Variants in TAOK1 observed in about 807,000 individuals in gnomAD.
TAOK1 encodes the protein serine/threonine-protein kinase TAO1.
TAOK1 carries 21 observed loss-of-function variants against 138.3 expected under a neutral mutation model. The observed-to-expected ratio is 0.15, with a 90% confidence interval of 0.11 to 0.22. The LOEUF is 0.22. Ranked by LOEUF, TAOK1 falls within the 10% of genes least tolerant of loss-of-function variation. The pLI, the probability that TAOK1 is intolerant of heterozygous loss-of-function variation, is 1.00. For synonymous variants in TAOK1, 361 were observed against 398.4 expected (o/e 0.91, Z 1.12); for missense variants, 651 against 1,227.7 (o/e 0.53, Z 7.02).
At chr17:29,478,391 T>G in intron 6 of TAOK1, 44 bp downstream of exon 6, 1 of 1,319,914 alleles carries the variant, frequency 7.6e-7, no homozygotes, top group African/African-American at 1.5e-5. Flanking sequence ...AATGGCTTGT[T>G]GCATATACCA....
intron 1 of TAOK1, among the ~76,000 whole-genome samples, chr17:29,407,943 G>A (rs1298518242): frequency 1.3e-5 from 2 of 151,474 alleles, no homozygotes; most frequent in African/African-American, 2.4e-5. Flanking sequence ...ATGCGCTGCA[G>A]CCTCGAACTC....
chr17:29,507,890 G>T lies in TAOK1; in HGVS notation c.1339-6G>T. 4 of 1,611,230 alleles carry T rather than the reference G, an allele frequency of 2.5e-6. No individual in the cohort carries two copies. The South Asian group carries it at 4.4e-5, about 18-fold the overall frequency. On this transcript the variant is annotated splice_region_variant and splice_polypyrimidine_tract_variant and intron_variant, in intron 13 of 19. Transcript: ENST00000261716. ...CTTCTTTTCCTTACATTATTTGTAT[G>T]TCTAGGTTACGAGGCAAATGCAAGA...
intron 1 of TAOK1, among the ~76,000 whole-genome samples, chr17:29,399,927 T>G (rs1053587185): frequency 5.3e-5 from 8 of 151,844 alleles, no homozygotes; most frequent in Non-Finnish European, 8.8e-5. Flanking sequence ...AGACGAGATC[T>G]CACTATGTTG....
chr17:29,446,365 C>T (rs1388585864), intron 1 of TAOK1, among the ~76,000 whole-genome samples: 1 of 152,042 alleles, frequency 6.6e-6, no homozygotes, highest in Non-Finnish European at 1.5e-5. Context: ...CCTCAGCCTA[C>T]CGAGTACCTG....
chr17:29,458,713 G>T (rs930679088), intron 2 of TAOK1, among the ~76,000 whole-genome samples: 2 of 151,434 alleles, frequency 1.3e-5, no homozygotes, highest in African/African-American at 2.4e-5. Flanking sequence ...TTTTTTTTGT[G>T]AGACAGAGTC....
chr17:29,535,491 T>C (rs1425750372), intron 19 of TAOK1, among the ~76,000 whole-genome samples: 1 of 152,196 alleles, frequency 6.6e-6, no homozygotes, highest in Non-Finnish European at 1.5e-5. Context: ...TTCTGGACCA[T>C]AGGCCTGTAG....
intron 15 of TAOK1, among the ~76,000 whole-genome samples, chr17:29,516,622 C>T (rs2031821275): frequency 6.6e-6 from 1 of 151,930 alleles, no homozygotes; most frequent in South Asian, 2.1e-4. Context: ...CTGCCTCACC[C>T]TCCCAAGTAG....
intron 1 of TAOK1, among the ~76,000 whole-genome samples, chr17:29,431,306 G>T (rs1476356243): frequency 6.6e-6 from 1 of 152,108 alleles, no homozygotes; most frequent in Non-Finnish European, 1.5e-5. Flanking sequence ...GTTGAGCATG[G>T]TGGTGTGTGC....
intron 1 of TAOK1, among the ~76,000 whole-genome samples, chr17:29,407,076 G>A (rs1905012492): frequency 6.6e-6 from 1 of 152,052 alleles, no homozygotes; most frequent in South Asian, 2.1e-4. Flanking sequence ...GGGTAGTGGT[G>A]CCATCATAGC....
At chr17:29,406,507 T>C (rs1455984232) in intron 1 of TAOK1, among the ~76,000 whole-genome samples, 1 of 152,156 alleles carries the variant, frequency 6.6e-6, no homozygotes, top group African/African-American at 2.4e-5. Context: ...GAAAAGGTAC[T>C]TTTGGGCCAT....
intron 1 of TAOK1, among the ~76,000 whole-genome samples, chr17:29,413,974 C>T (rs1211073831): frequency 5.4e-5 from 8 of 149,270 alleles, no homozygotes; most frequent in South Asian, 2.1e-4. Flanking sequence ...ACTCTGCCTC[C>T]GGGGTTCACG....
intron 2 of TAOK1, among the ~76,000 whole-genome samples, chr17:29,464,181 A>G (rs2030599232): frequency 6.6e-6 from 1 of 152,064 alleles, no homozygotes; most frequent in Non-Finnish European, 1.5e-5. Flanking sequence ...CACGCCTGTA[A>G]TCCCAGCACT....
intron 14 of TAOK1, among the ~76,000 whole-genome samples, chr17:29,510,325 C>T (rs887215731): frequency 2.0e-5 from 3 of 152,046 alleles, no homozygotes; most frequent in Non-Finnish European, 4.4e-5. Context: ...TGCAGTGAGC[C>T]GAGCTCGTGC....
At chr17:29,411,960 T>C (rs538868497) in intron 1 of TAOK1, among the ~76,000 whole-genome samples, 11 of 152,292 alleles carry the variant, frequency 7.2e-5, no homozygotes, top group African/African-American at 2.6e-4. Flanking sequence ...TTATCTTTGA[T>C]TGACCCCTCC....
chr17:29,425,205 G>A (rs1302568559), intron 1 of TAOK1, among the ~76,000 whole-genome samples: 2 of 152,132 alleles, frequency 1.3e-5, no homozygotes, highest in African/African-American at 2.4e-5. Context: ...CAGTAGCTGG[G>A]ATTACAGACA....
At chr17:29,420,436 C>T (rs9906280) in intron 1 of TAOK1, among the ~76,000 whole-genome samples, 122,088 of 152,048 alleles carry the variant, frequency 0.8, 49,796 homozygotes, top group East Asian at 0.98. Flanking sequence ...TACACAATTA[C>T]GTTTATTAGT....
intron 17 of TAOK1, among the ~76,000 whole-genome samples, chr17:29,523,713 CCACT>C (rs1481412753): frequency 3.9e-5 from 6 of 152,092 alleles, no homozygotes; most frequent in Non-Finnish European, 7.4e-5. Context: ...ACAAAACCAC[CCACT>C]ATCTGTCATC....
At chr17:29,413,083 A>T (rs571604791) in intron 1 of TAOK1, among the ~76,000 whole-genome samples, 1 of 151,888 alleles carries the variant, frequency 6.6e-6, no homozygotes, top group African/African-American at 2.4e-5. Flanking sequence ...GAGACAACTG[A>T]GACTCAGAAT....
intron 8 of TAOK1, 97 bp downstream of exon 8, chr17:29,482,385 A>T (rs1218251090): frequency 1.0e-6 from 1 of 978,860 alleles, no homozygotes; most frequent in Admixed American, 2.4e-5. Context: ...TTTATCTTAA[A>T]TGTCACTTTA....
Sources: gnomAD v4.1 joint callset for allele counts (sites outside exome capture counted in the v4.1 genomes callset) on GRCh38, gnomAD v4.1.1 for gene constraint, MANE v1.5 for transcripts, NCBI Gene and HGNC (gene_info 2026-07-23, HGNC 2026-07-21) for gene names.